STAC: variants seen among roughly 807,000 people sequenced by gnomAD.
STAC encodes SH3 and cysteine rich domain.
STAC carries 43 observed loss-of-function variants against 48.8 expected under a neutral mutation model. That is an observed-to-expected ratio of 0.88 (90% CI 0.69 to 1.14). STAC has a LOEUF of 1.14. STAC is among the 50% of genes most tolerant of loss of function. The probability of loss-of-function intolerance (pLI) is 0.00; values close to 1 mark genes in which losing one functional copy is unlikely to be tolerated. For missense variants in STAC, 497 were observed against 504.0 expected, an observed-to-expected ratio of 0.99 and a Z score of 0.13; for synonymous variants, 193 against 179.5, an observed-to-expected ratio of 1.07 and a Z score of -0.60.
chr3:36,461,990 G>T (rs1404592144), intron 2 of STAC, among the ~76,000 whole-genome samples: 1 of 152,118 alleles, frequency 6.6e-6, no homozygotes, highest in African/African-American at 2.4e-5. Context: ...AGACTTCAAT[G>T]GCGTGGGGGC....
In STAC at chr3:36,443,608, C is replaced by T; in HGVS notation, c.356C>T (p.Thr119Ile). The T allele has an allele frequency of 6.2e-7, 1 of 1,613,582 alleles. No homozygotes were observed. The highest frequency in any genetic ancestry group is 8.5e-7 in the Non-Finnish European group (1 of 1,180,030). The change falls in exon 2 of 11, where the codon ACT (threonine) becomes ATT (isoleucine). Residue 119 changes from threonine (T) to isoleucine (I), a missense_variant. Transcript: ENST00000273183. This position sits in a 1 kb window ranked among gnomAD's most constrained non-coding sequence, Gnocchi z 4.2. ...AFQEYIFKKPTFCDVCNHMIV... is the reference protein window; with the variant it reads ...AFQEYIFKKPIFCDVCNHMIV... ...CAGGAATACATCTTCAAGAAGCCCA[C>T]TTTCTGTGATGTCTGCAACCACATG...
At chr3:36,482,541 C>A (rs1697677381) in intron 2 of STAC, among the ~76,000 whole-genome samples, 1 of 152,222 alleles carries the variant, frequency 6.6e-6, no homozygotes, top group Admixed American at 6.5e-5. Flanking sequence ...CACTCTCACA[C>A]AGACCTGCCC....
intron 2 of STAC, among the ~76,000 whole-genome samples, chr3:36,476,129 G>A (rs533653088): frequency 4.7e-4 from 71 of 152,332 alleles, no homozygotes; most frequent in African/African-American, 1.4e-3. Context: ...CTGGACATTT[G>A]TCCTGCCCAG....
intron 2 of STAC, among the ~76,000 whole-genome samples, chr3:36,468,410 G>A (rs1244145090): frequency 1.3e-5 from 2 of 151,630 alleles, no homozygotes; most frequent in Non-Finnish European, 2.9e-5. Context: ...ATCTGTTAAG[G>A]CCATTTGTTG....
chr3:36,512,876 T>G (rs1698577265), intron 8 of STAC, among the ~76,000 whole-genome samples: 1 of 152,214 alleles, frequency 6.6e-6, no homozygotes, highest in Non-Finnish European at 1.5e-5. Flanking sequence ...TTGGGAATGC[T>G]TTGGGATTCA....
At chr3:36,447,444 T>C (rs1696539578) in intron 2 of STAC, among the ~76,000 whole-genome samples, 1 of 152,180 alleles carries the variant, frequency 6.6e-6, no homozygotes, top group South Asian at 2.1e-4. Context: ...TTGCAATTGC[T>C]GTACCTAAAA....
intron 8 of STAC, among the ~76,000 whole-genome samples, chr3:36,511,659 G>A (rs1698542588): frequency 1.3e-5 from 2 of 152,190 alleles, no homozygotes; most frequent in South Asian, 4.1e-4. Flanking sequence ...TGCTGTGCCA[G>A]CCAAATTATC....
At chr3:36,479,869 T>C (rs1446722132) in intron 2 of STAC, among the ~76,000 whole-genome samples, 1 of 152,252 alleles carries the variant, frequency 6.6e-6, no homozygotes, top group Non-Finnish European at 1.5e-5. Flanking sequence ...AATAAACTAA[T>C]GCCACTGCTG....
chr3:36,472,933 A>G (rs983092222), intron 2 of STAC, among the ~76,000 whole-genome samples: 1 of 152,172 alleles, frequency 6.6e-6, no homozygotes, highest in Non-Finnish European at 1.5e-5. Flanking sequence ...CTTTTCAGCA[A>G]TGCCCCACTC....
chr3:36,486,062 G>A, intron 4 of STAC, 72 bp from the exon 5 acceptor site: 1 of 1,155,532 alleles, frequency 8.7e-7, no homozygotes, highest in Non-Finnish European at 1.3e-6. Context: ...TGTTCACCCA[G>A]GAGATGTGGT....
intron 6 of STAC, among the ~76,000 whole-genome samples, chr3:36,500,960 G>T (rs1698268760): frequency 6.6e-6 from 1 of 152,030 alleles, no homozygotes; most frequent in East Asian, 1.9e-4. Flanking sequence ...GGGCAGGGTG[G>T]CATATGTCTA....
At chr3:36,495,178 GATA>G (rs1268458798) in intron 6 of STAC, among the ~76,000 whole-genome samples, 1 of 152,168 alleles carries the variant, frequency 6.6e-6, no homozygotes, top group Non-Finnish European at 1.5e-5. Context: ...CTAAAATGAA[GATA>G]ATAACACCAA....
chr3:36,465,736 G>A (rs1266876047), intron 2 of STAC, among the ~76,000 whole-genome samples: 2 of 152,138 alleles, frequency 1.3e-5, no homozygotes, highest in Non-Finnish European at 2.9e-5. Flanking sequence ...GAAGAACTTG[G>A]AGACCGATGT....
chr3:36,513,155 T>C (rs1225263313), intron 8 of STAC, among the ~76,000 whole-genome samples: 1 of 152,088 alleles, frequency 6.6e-6, no homozygotes, highest in Non-Finnish European at 1.5e-5. Context: ...TCAGCAAATA[T>C]TCATTATATA....
intron 1 of STAC, among the ~76,000 whole-genome samples, chr3:36,431,988 T>C (rs1272507382): frequency 2.0e-5 from 3 of 152,240 alleles, no homozygotes; most frequent in Non-Finnish European, 4.4e-5. Context: ...TTCTTCTGAA[T>C]ATATACAGTT....
chr3:36,450,321 G>A (rs930314566), intron 2 of STAC, among the ~76,000 whole-genome samples: 4 of 152,120 alleles, frequency 2.6e-5, no homozygotes. Flanking sequence ...AGAACAACAT[G>A]GAAACATTTT....
intron 2 of STAC, among the ~76,000 whole-genome samples, chr3:36,472,794 A>G (rs1234948084): frequency 6.6e-6 from 1 of 152,196 alleles, no homozygotes; most frequent in Non-Finnish European, 1.5e-5. Context: ...ATTTTGGGCA[A>G]AGCCATTCAA....
At chr3:36,521,802 T>G (rs1211603347) in intron 8 of STAC, among the ~76,000 whole-genome samples, 1 of 152,172 alleles carries the variant, frequency 6.6e-6, no homozygotes, top group Non-Finnish European at 1.5e-5. Context: ...TGATAAAGAC[T>G]TAACTTTGAG....
chr3:36,395,935 A>G (rs575867415), intron 1 of STAC, among the ~76,000 whole-genome samples: 1,788 of 151,390 alleles, frequency 0.012, 11 homozygotes, highest in Middle Eastern at 0.034. Flanking sequence ...CAAAGTTTAA[A>G]AAAAAAAAAC....
Sources: allele counts gnomAD v4.1 joint callset (sites outside exome capture counted in the v4.1 genomes callset), GRCh38; gene constraint gnomAD v4.1.1; non-coding constraint Gnocchi (gnomAD v3.1); transcripts MANE v1.5; gene names NCBI Gene and HGNC (gene_info 2026-07-23, HGNC 2026-07-21).